The following UTY variants were observed in gnomAD, a reference collection of about 807,000 sequenced individuals.
UTY encodes the protein ubiquitously transcribed tetratricopeptide repeat containing, Y-linked.
A neutral mutation model predicts 32.5 loss-of-function variants in UTY; 12 were observed. The observed-to-expected ratio is 0.37, with a 90% CI of 0.24 to 0.60. The LOEUF (loss-of-function observed/expected upper bound fraction) is 0.60. UTY is among the 20% of genes least tolerant of loss of function. The pLI is 0.69. For synonymous variants in UTY, 131 were observed against 103.4 expected (o/e 1.27, Z -1.62); for missense variants, 303 against 299.2 (o/e 1.01, Z -0.09).
intron 27 of UTY, among the ~76,000 whole-genome samples, chrY:13,291,269 C>A (rs2057748840): frequency 3.0e-5 from 1 of 33,401 alleles, no homozygotes; most frequent in African/African-American, 1.2e-4. Context: ...CAAAACCAGA[C>A]AAAGACAATT....
In UTY at chrY:13,305,421, T is replaced by G; in HGVS notation, c.3543A>C (p.Lys1181Asn). The G allele has an allele frequency of 2.5e-6, 1 of 397,100 alleles. No individual in the cohort carries two copies. The highest frequency in any genetic ancestry group is 3.5e-6 in the Non-Finnish European group (1 of 282,665). ...LGMNTVQLYM[K>N]VPGSRTPGHQ... ...CACCTGGTGTCCGACTCCCTGGAAC[T>G]TTCATATACAGTTGTACTGTATTCA... Residue 1181 changes from lysine to asparagine, a missense_variant, in exon 24 of 30, where the codon AAA (lysine) becomes AAC (asparagine). By Grantham distance (94) the Lys-to-Asn change is moderately conservative. Transcript: ENST00000545955.
downstream of UTY, among the ~76,000 whole-genome samples, chrY:13,234,303 G>A: frequency 8.8e-5 from 3 of 34,254 alleles, no homozygotes. Flanking sequence ...AGTTGAAGCA[G>A]GCACACCACA....
At chrY:13,434,357 T>C (rs2074321972) in intron 4 of UTY, among the ~76,000 whole-genome samples, 1 of 33,293 alleles carries the variant, frequency 3.0e-5, no homozygotes, top group Non-Finnish European at 7.4e-5. Flanking sequence ...CGCACCACCA[T>C]ACTCAGCTAA....
At chrY:13,236,376 T>TA (rs2053853079) in intron 28 of UTY, among the ~76,000 whole-genome samples, 1 of 31,394 alleles carries the variant, frequency 3.2e-5, no homozygotes, top group African/African-American at 1.3e-4. Context: ...TCAATCAAGA[T>TA]ATAAGAGAAA....
chrY:13,240,782 GC>G (rs1366830494), intron 28 of UTY, among the ~76,000 whole-genome samples: 1 of 33,135 alleles, frequency 3.0e-5, no homozygotes, highest in African/African-American at 1.2e-4. Context: ...GACTGTGTAA[GC>G]TCCGGAGTTC....
At chrY:13,320,040 C>T in intron 21 of UTY, among the ~76,000 whole-genome samples, 1 of 32,639 alleles carries the variant, frequency 3.1e-5, no homozygotes, top group Non-Finnish European at 7.5e-5. Context: ...TTTTTCTGAC[C>T]TAATTAGTCC....
intron 27 of UTY, among the ~76,000 whole-genome samples, chrY:13,287,532 G>T: frequency 3.3e-5 from 1 of 29,930 alleles, no homozygotes; most frequent in Non-Finnish European, 7.9e-5. Flanking sequence ...TAAAAACAAG[G>T]CTTTTGGAAA....
intron 7 of UTY, among the ~76,000 whole-genome samples, chrY:13,394,175 T>C (rs17221943): frequency 0.11 from 3,684 of 33,105 alleles, no homozygotes; most frequent in Non-Finnish European, 0.19. Flanking sequence ...AAATCTGCAA[T>C]AGGTAAGTAT....
intron 6 of UTY, among the ~76,000 whole-genome samples, chrY:13,401,357 G>A: frequency 5.9e-5 from 2 of 33,905 alleles, no homozygotes; most frequent in Non-Finnish European, 1.5e-4. Flanking sequence ...TTTGCAAACC[G>A]GAGTATGCTA....
chrY:13,317,238 A>C, intron 21 of UTY, among the ~76,000 whole-genome samples: 1 of 33,423 alleles, frequency 3.0e-5, no homozygotes, highest in African/African-American at 1.2e-4. Flanking sequence ...TCCTGACCTC[A>C]GGTGATCTGC....
At chrY:13,445,645 A>G in intron 4 of UTY, among the ~76,000 whole-genome samples, 1 of 31,997 alleles carries the variant, frequency 3.1e-5, no homozygotes, top group Non-Finnish European at 7.6e-5. Flanking sequence ...ATCTGCAAAC[A>G]CAGATAGTTT....
At chrY:13,381,941 G>GT (rs2066185674) in intron 8 of UTY, among the ~76,000 whole-genome samples, 1 of 32,885 alleles carries the variant, frequency 3.0e-5, no homozygotes, top group Non-Finnish European at 7.5e-5. Context: ...ACTGATTTAT[G>GT]TATTTACTAT....
intron 17 of UTY, among the ~76,000 whole-genome samples, chrY:13,337,827 A>G (rs987574441): frequency 9.2e-5 from 3 of 32,664 alleles, no homozygotes; most frequent in Non-Finnish European, 2.2e-4. Flanking sequence ...ACTTTTATAC[A>G]AATGATGCTG....
chrY:13,358,330 G>A, intron 14 of UTY, 134 bp downstream of exon 14: 2 of 340,070 alleles, frequency 5.9e-6, no homozygotes, highest in Non-Finnish European at 7.8e-6. Context: ...TTAATGTGAT[G>A]CAAAGATTAT....
At chrY:13,456,598 C>T (rs2076809934) in intron 3 of UTY, among the ~76,000 whole-genome samples, 1 of 33,099 alleles carries the variant, frequency 3.0e-5, no homozygotes, top group Non-Finnish European at 7.4e-5. Flanking sequence ...AGTGCACCCC[C>T]ACCTGGACGA....
At chrY:13,309,601 C>A (rs2058908832) in intron 21 of UTY, among the ~76,000 whole-genome samples, 3 of 31,574 alleles carry the variant, frequency 9.5e-5, no homozygotes, top group South Asian at 7.0e-4. Context: ...AAAAAAAAAA[C>A]CAAAAAAACA....
chrY:13,424,360 T>A (rs1291191222), intron 4 of UTY, among the ~76,000 whole-genome samples: 1 of 32,540 alleles, frequency 3.1e-5, no homozygotes, highest in African/African-American at 1.2e-4. Flanking sequence ...GAGCTGAGAT[T>A]GTGCCACTGC....
At chrY:13,343,910 A>T (rs2061692657) in intron 17 of UTY, among the ~76,000 whole-genome samples, 1 of 33,829 alleles carries the variant, frequency 3.0e-5, no homozygotes, top group Non-Finnish European at 7.3e-5. Context: ...ACTGAAGGAA[A>T]GGAAGTCAAA....
chrY:13,287,627 A>C (rs774552020), intron 27 of UTY, among the ~76,000 whole-genome samples: 482 of 33,196 alleles, frequency 0.015, no homozygotes, highest in Non-Finnish European at 0.03. Flanking sequence ...CACACACACA[A>C]AAAAAGTTAC....
Sources: allele counts gnomAD v4.1 joint callset (sites outside exome capture counted in the v4.1 genomes callset), GRCh38; gene constraint gnomAD v4.1.1; transcripts MANE v1.5; gene names NCBI Gene and HGNC (gene_info 2026-07-23, HGNC 2026-07-21).